Variants in UPF1 observed in about 807,000 individuals in gnomAD.
UPF1 encodes the protein UPF1 RNA helicase and ATPase.
In UPF1, 9 loss-of-function variants were observed where a neutral mutation model predicts 129.2. The ratio of observed to expected loss-of-function variants is 0.07; its 90% CI spans 0.04 to 0.12. UPF1 has a LOEUF of 0.12. Among genes scored for constraint, UPF1 ranks in the 10% least tolerant of loss-of-function variants. The pLI is 1.00. For missense variants in UPF1, 788 were observed against 1,525.3 expected (o/e 0.52, Z 8.05); for synonymous variants, 649 against 644.9 (o/e 1.01, Z -0.10).
Position 18,856,240 on chromosome 19 carries a change from G to C in UPF1, c.1764G>C (p.Ser588=), listed in dbSNP as rs201992127. 1.9e-5 allele frequency: 31 copies of C among 1,610,338 alleles called. No individual in the cohort carries two copies. In the Admixed American group the frequency reaches 5.0e-4, roughly 26 times the overall value. The change falls in exon 13 of 24, where the codon TCG becomes TCC. Residue 588 remains serine, a synonymous_variant. Coordinates refer to ENST00000262803, the MANE Select transcript of UPF1 (RefSeq NM_002911.4). ...TGAAAGACGAGACTGGGGAGCTGTC[G>C]TCTGCCGACGAGAAGCGGTACCGGG... The part of the protein sequence containing the change: ...QQLKDETGEL[S]SADEKRYRAL...
intron 15 of UPF1, among the ~76,000 whole-genome samples, chr19:18,857,917 G>A (rs1347702238): frequency 6.6e-6 from 1 of 152,242 alleles, no homozygotes; most frequent in Non-Finnish European, 1.5e-5. Flanking sequence ...GCAAGACCGT[G>A]TCCGGCTTCC....
rs530829387 is a variant in UPF1, at chr19:18,866,751, C to T, written c.*234C>T. 1.4e-3 allele frequency: 218 copies of T among 152,618 alleles called. No individual in the cohort carries two copies. Among genetic ancestry groups the T allele is most frequent in the Admixed American group, 3.5e-3 (53 of 15,310 alleles). 9.5% of individuals were successfully genotyped at this position (152,618 alleles called of 1,614,324 possible). ...GGAGGAGGGGCCGGCCCGCGGGAGC[C>T]GCGGCCACCAGGAGGCCCCGCTCCG... On this transcript the variant is annotated 3_prime_UTR_variant, in exon 24 of 24. Transcript: ENST00000262803.
At chr19:18,858,580 C>T (rs972232119) in intron 15 of UPF1, among the ~76,000 whole-genome samples, 1 of 152,018 alleles carries the variant, frequency 6.6e-6, no homozygotes, top group African/African-American at 2.4e-5. Context: ...AGACTCCCAG[C>T]CATGCAGAAA....
Position 18,841,148 on chromosome 19 carries a change from C to A in UPF1, c.232-4832C>A, listed in dbSNP as rs531883412. Among the ~76,000 whole-genome samples, 8 of 152,358 alleles carry A rather than the reference C, an allele frequency of 5.3e-5. No homozygotes were observed. In the South Asian group the frequency reaches 1.7e-3, roughly 32 times the overall value. On this transcript the variant is annotated intron_variant, in intron 1 of 23. Coordinates refer to ENST00000262803, the MANE Select transcript of UPF1 (RefSeq NM_002911.4). ...CCCTGCTGCATCCTCCGTGTAGAAA[C>A]GTCTACGATGAATTCTCTAACATAC...
Position 18,863,411 on chromosome 19 carries a change from G to A in UPF1, c.2601-27G>A, listed in dbSNP as rs139188466. 1.6e-4 allele frequency: 262 copies of A among 1,603,696 alleles called. No homozygotes were observed. The African/African-American group carries it at 2.6e-3, about 16-fold the overall frequency. On this transcript the variant is annotated intron_variant, in intron 18 of 23. Coordinates refer to ENST00000262803, the MANE Select transcript of UPF1 (RefSeq NM_002911.4). The stretch of plus-strand genomic sequence containing the variant: ...GTGAGACGGGCAGCTCTCCACCTGC[G>A]TCCTCAGCACTGCGCCCTTGTTGCA...
In UPF1 at chr19:18,865,144, T is replaced by C; in HGVS notation, c.2858-145T>C. The C allele has an allele frequency of 9.5e-7, 1 of 1,047,276 alleles. No individual in the cohort carries two copies. The highest frequency in any genetic ancestry group is 2.7e-5 in the Admixed American group (1 of 36,968). The allele number at this position is 1,047,276 out of a possible 1,614,324, so 64.9% of individuals were successfully genotyped here. On this transcript the variant is annotated intron_variant, in intron 20 of 23. Coordinates refer to ENST00000262803, the MANE Select transcript of UPF1 (RefSeq NM_002911.4). The surrounding 1 kb of genome is among the most constrained non-coding windows in gnomAD (Gnocchi z 6.1). ...CCCAGGCAGGCTGCTGTAGTTAACATGGAGTCCTGCGAATCCGCATCTTCA... is the reference window on the plus strand; with the variant it reads ...CCCAGGCAGGCTGCTGTAGTTAACACGGAGTCCTGCGAATCCGCATCTTCA...
Position 18,865,588 on chromosome 19 carries a change from G to C in UPF1, c.3047G>C (p.Gly1016Ala). ...CGAGGCACCCCGAAAGGCAAGACTGGTCGTGGGGGACGCCAGAAGAACCGC... is the reference window on the plus strand; with the variant it reads ...CGAGGCACCCCGAAAGGCAAGACTGCTCGTGGGGGACGCCAGAAGAACCGC... Reference protein sequence around the residue: ...AGRGTPKGKTGRGGRQKNRFG... With the variant: ...AGRGTPKGKTARGGRQKNRFG... Residue 1016 changes from glycine to alanine, a missense_variant, in exon 22 of 24, where the codon GGT becomes GCT. Physicochemically the swap from Gly to Ala is moderately conservative, Grantham distance 60. Coordinates refer to ENST00000262803, the MANE Select transcript of UPF1 (RefSeq NM_002911.4). This position sits in a 1 kb window ranked among gnomAD's most constrained non-coding sequence, Gnocchi z 6.1. 3 of 1,613,920 alleles carry C rather than the reference G, an allele frequency of 1.9e-6. No homozygotes were observed. The highest frequency in any genetic ancestry group is 2.5e-6 in the Non-Finnish European group (3 of 1,180,040).
chr19:18,844,306 G>A (rs573245261), intron 1 of UPF1, among the ~76,000 whole-genome samples: 2 of 144,976 alleles, frequency 1.4e-5, no homozygotes, highest in South Asian at 2.2e-4. Flanking sequence ...GGCCGGGGGG[G>A]GGTTTGGGTT....
intron 1 of UPF1, among the ~76,000 whole-genome samples, chr19:18,834,580 A>T (rs148334311): frequency 6.6e-6 from 1 of 152,152 alleles, no homozygotes; most frequent in Non-Finnish European, 1.5e-5. Flanking sequence ...GTCCTGTGCT[A>T]CTTGTAATTG....
chr19:18,864,141 A>G (rs746995993), intron 19 of UPF1, 29 bp from the exon 20 acceptor site: 2 of 1,607,884 alleles, frequency 1.2e-6, no homozygotes, highest in South Asian at 2.2e-5. Flanking sequence ...TTGAGATGAC[A>G]AATTCCTCAC....
chr19:18,858,453 A>T (rs1168360063), intron 15 of UPF1, among the ~76,000 whole-genome samples: 1 of 151,672 alleles, frequency 6.6e-6, no homozygotes, highest in African/African-American at 2.4e-5. Flanking sequence ...TCGGTGGGAG[A>T]TCCTTCCTGA....
At chr19:18,846,151 G>T (rs1233429040) in intron 2 of UPF1, 32 bp downstream of exon 2, 4 of 1,612,446 alleles carry the variant, frequency 2.5e-6, no homozygotes, top group Admixed American at 1.7e-5. Flanking sequence ...CTGGGCATGT[G>T]CTGGACAGGT....
At chr19:18,849,380 C>G (rs946772266) in intron 3 of UPF1, 2 of 153,474 alleles carry the variant, frequency 1.3e-5, no homozygotes, top group Non-Finnish European at 2.9e-5. Context: ...TTGTTAGATA[C>G]GGCAGATAGG....
chr19:18,865,203 G>T lies in UPF1; in HGVS notation c.2858-86G>T. The stretch of plus-strand genomic sequence containing the variant: ...AGAGCCAGGACAGATGTGCAGCTCC[G>T]GCTGACTGGCTGGTGGGGTGGGTGG... On this transcript the variant is annotated intron_variant, in intron 20 of 23. Coordinates refer to ENST00000262803, the MANE Select transcript of UPF1 (RefSeq NM_002911.4). The surrounding 1 kb of genome is among the most constrained non-coding windows in gnomAD (Gnocchi z 6.1). 5 of 1,470,412 alleles carry T rather than the reference G, an allele frequency of 3.4e-6. No individual in the cohort carries two copies. Among genetic ancestry groups the T allele is most frequent in the Non-Finnish European group, 4.6e-6 (5 of 1,090,340 alleles). The allele number at this position is 1,470,412 out of a possible 1,614,324, so 91.1% of individuals were successfully genotyped here.
Position 18,856,869 on chromosome 19 carries a change from T to C in UPF1, c.1825-8T>C. 1 of 1,609,356 alleles carries C rather than the reference T, an allele frequency of 6.2e-7. No individual in the cohort carries two copies. The highest frequency in any genetic ancestry group is 8.5e-7 in the Non-Finnish European group (1 of 1,178,342). ...CAGGTGCCCTGATGCCTCTGCACCC[T>C]TCCCCAGAACGCAGATGTCATCTGC... On this transcript the variant is annotated splice_region_variant and splice_polypyrimidine_tract_variant and intron_variant, in intron 13 of 23. Coordinates refer to ENST00000262803, the MANE Select transcript of UPF1 (RefSeq NM_002911.4).
At chr19:18,864,764 G>A (rs2055822847) in intron 20 of UPF1, among the ~76,000 whole-genome samples, 1 of 103,224 alleles carries the variant, frequency 9.7e-6, no homozygotes, top group Non-Finnish European at 1.8e-5. Flanking sequence ...TTTGGAGACC[G>A]AGTCTCGCTC....
intron 11 of UPF1, 198 bp from the exon 12 acceptor site, chr19:18,855,726 TG>T: frequency 1.4e-6 from 1 of 703,050 alleles, no homozygotes; most frequent in Non-Finnish European, 2.3e-6. Context: ...CGTGCACCTG[TG>T]GTCCCAGCTA....
Position 18,831,991 on chromosome 19 carries a change from C to G in UPF1, c.-219C>G, listed in dbSNP as rs1343993440. The stretch of plus-strand genomic sequence containing the variant: ...GCTCTAGGCTGCGAGCGGCTGGCGG[C>G]TTCGAGGGGAGCTGAGGCGCGGAGG... On this transcript the variant is annotated 5_prime_UTR_variant, in exon 1 of 24. Transcript: ENST00000262803. 1 of 306,090 alleles carries G rather than the reference C, an allele frequency of 3.3e-6. No individual in the cohort carries two copies. Among genetic ancestry groups the G allele is most frequent in the African/African-American group, 2.2e-5 (1 of 45,254 alleles). The allele number at this position is 306,090 out of a possible 1,614,324, so 19.0% of individuals were successfully genotyped here. A position where few individuals can be genotyped will look rare whatever the true frequency, so the allele number is the denominator to read the frequency against.
chr19:18,832,106 GGGGCGACAGCGGCAGCGAC>G lies in UPF1; in HGVS notation c.-103_-85del. The G allele has an allele frequency of 1.8e-6, 2 of 1,136,838 alleles. No individual in the cohort carries two copies. The highest frequency in any genetic ancestry group is 7.1e-5 in the East Asian group (2 of 28,018). 70.4% of individuals were successfully genotyped at this position (1,136,838 alleles called of 1,614,324 possible). On this transcript the variant is annotated 5_prime_UTR_variant, in exon 1 of 24. Coordinates refer to ENST00000262803, the MANE Select transcript of UPF1 (RefSeq NM_002911.4). The surrounding 1 kb of genome is among the most constrained non-coding windows in gnomAD (Gnocchi z 5.6). ...CGGTTTGGTCCTTTCCGGGCGCGCG[GGGGCGACAGCGGCAGCGAC>G]CCGAGGCCTGCGGCCTAGGCCTCAG...
Sources: allele counts gnomAD v4.1 joint callset (sites outside exome capture counted in the v4.1 genomes callset), GRCh38; gene constraint gnomAD v4.1.1; non-coding constraint Gnocchi (gnomAD v3.1); transcripts MANE v1.5; gene names NCBI Gene and HGNC (gene_info 2026-07-23, HGNC 2026-07-21).